PTPRH: variants seen among roughly 807,000 people sequenced by gnomAD.
PTPRH encodes protein tyrosine phosphatase receptor type H, also known as receptor-type tyrosine-protein phosphatase H.
Under a neutral mutation model 130.2 loss-of-function variants are expected in PTPRH, and 113 were observed. The observed-to-expected ratio is 0.87, with a 90% CI of 0.75 to 1.01. PTPRH has a LOEUF of 1.01. Ranked by LOEUF, PTPRH falls within the 50% of genes least tolerant of loss-of-function variation. The probability of loss-of-function intolerance (pLI) is 0.00; values close to 1 mark genes in which losing one functional copy is unlikely to be tolerated. For synonymous variants in PTPRH, 556 were observed against 577.9 expected (o/e 0.96, Z 0.54); for missense variants, 1,430 against 1,425.0 (o/e 1.00, Z -0.06).
At chr19:55,194,264 C>T in intron 10 of PTPRH, 1 of 1,289,684 alleles carries the variant, frequency 7.8e-7, no homozygotes, top group Non-Finnish European at 1.0e-6. Context: ...CTTCATCAGC[C>T]TTGAAGGCCC....
chr19:55,191,460 A>C (rs1329978455), intron 12 of PTPRH, 41 bp downstream of exon 12: 1 of 1,609,584 alleles, frequency 6.2e-7, no homozygotes, highest in Non-Finnish European at 8.5e-7. Flanking sequence ...CCTTGATTTG[A>C]CCAGATTCTT....
At position 55,203,967 on chromosome 19, in the gene PTPRH, G is replaced by T. The variant is rs758604208; in HGVS notation, c.701C>A (p.Thr234Lys). The change falls in exon 5 of 20, where the codon ACA becomes AAA. Residue 234 changes from threonine (T) to lysine (K), a missense_variant. By Grantham distance (78) the Thr-to-Lys change is moderately conservative. Transcript: ENST00000376350. ...ISLSWEVPDG[T>K]DPQNSTYCVQ... is the part of the protein sequence containing the mutation. ...GCAGTAGGTCGAGTTCTGTGGGTCT[G>T]TGCCATCGGGGACCTCCCAGCTCAG... 1 of 1,614,224 alleles carries T rather than the reference G, an allele frequency of 6.2e-7. No homozygotes were observed. Among genetic ancestry groups the T allele is most frequent in the Admixed American group, 1.7e-5 (1 of 60,022 alleles).
chr19:55,194,951 G>T (rs2086641193), intron 10 of PTPRH, among the ~76,000 whole-genome samples: 1 of 152,158 alleles, frequency 6.6e-6, no homozygotes, highest in Non-Finnish European at 1.5e-5. Context: ...ACTTTGGGAG[G>T]AGGAGCCAGG....
At chr19:55,203,566 C>T (rs1441132817) in intron 5 of PTPRH, among the ~76,000 whole-genome samples, 1 of 151,672 alleles carries the variant, frequency 6.6e-6, no homozygotes, top group East Asian at 2.0e-4. Context: ...CGGGAACACG[C>T]CACCACAGCT....
chr19:55,187,664 A>AC lies in PTPRH; in HGVS notation c.2476-62dup, dbSNP rs935180329. 9 of 1,272,792 alleles carry AC rather than the reference A, an allele frequency of 7.1e-6. No homozygotes were observed. The African/African-American group carries it at 1.2e-4, about 17-fold the overall frequency. The allele number at this position is 1,272,792 out of a possible 1,614,324, so 78.8% of individuals were successfully genotyped here. A position where few individuals can be genotyped will look rare whatever the true frequency, so the allele number is the denominator to read the frequency against. The stretch of plus-strand genomic sequence containing the variant: ...ATTTTCTCTACTTTCCCTCGGGGGT[A>AC]CCCCCGAGCTCCCCTTGCCTTCTTC... On this transcript the variant is annotated intron_variant, in intron 13 of 19. Transcript: ENST00000376350.
intron 14 of PTPRH, 131 bp downstream of exon 14, chr19:55,187,381 AG>A: frequency 4.6e-6 from 2 of 438,396 alleles, no homozygotes; most frequent in Non-Finnish European, 7.9e-6. Context: ...AAAAAAAAAA[AG>A]GAAGAAAAAA....
At position 55,209,234 on chromosome 19, in the gene PTPRH, C is replaced by T. The variant is rs1397727801; in HGVS notation, c.51+149G>A. ...AGAGCCCAGGTGTAAGACTCTCCTA[C>T]AGTCTCTGCCAAGCCTGAAGCCCTC... On this transcript the variant is annotated intron_variant, in intron 1 of 19. Transcript: ENST00000376350. The surrounding 1 kb of genome is among the most constrained non-coding windows in gnomAD (Gnocchi z 4.1). 1.4e-5 allele frequency: 10 copies of T among 723,928 alleles called. No individual in the cohort carries two copies. Among genetic ancestry groups the T allele is most frequent in the Non-Finnish European group, 2.2e-5 (9 of 410,198 alleles). The allele number at this position is 723,928 out of a possible 1,614,324, so 44.8% of individuals were successfully genotyped here.
rs1568915388 is a variant in PTPRH at position 55,198,876 on chromosome 19, CA to C, written c.1456del (p.Trp486GlyfsTer32). ...NAVTSLSKQDWTNSTIALRWT... is the reference protein window; with the variant it reads ...NAVTSLSKQDXTNSTIALRWT... Reference sequence around the variant, plus strand: ...GCGCAAAGCAATGGTGCTGTTGGTCCAGTCCTGCTTGCTGAGGCTTGTCACT... The same window carrying C: ...GCGCAAAGCAATGGTGCTGTTGGTCCGTCCTGCTTGCTGAGGCTTGTCACT... On this transcript the variant is annotated frameshift_variant, in exon 8 of 20. Transcript: ENST00000376350. LOFTEE classifies it high-confidence loss of function. The C allele has an allele frequency of 1.3e-6, 2 of 1,542,074 alleles. No individual in the cohort carries two copies. Among genetic ancestry groups the C allele is most frequent in the East Asian group, 4.6e-5 (2 of 43,660 alleles).
intron 10 of PTPRH, among the ~76,000 whole-genome samples, chr19:55,195,096 G>A (rs774117556): frequency 1.2e-4 from 18 of 151,944 alleles, no homozygotes; most frequent in Non-Finnish European, 2.1e-4. Context: ...AGGCCGAGGC[G>A]GGTGGATCAC....
At chr19:55,195,091 G>A (rs868205995) in intron 10 of PTPRH, among the ~76,000 whole-genome samples, 20 of 152,136 alleles carry the variant, frequency 1.3e-4, no homozygotes, top group African/African-American at 4.6e-4. Context: ...TCAGGAGGCC[G>A]AGGCGGGTGG....
intron 12 of PTPRH, among the ~76,000 whole-genome samples, chr19:55,188,396 C>T (rs2086429750): frequency 6.6e-6 from 1 of 152,090 alleles, no homozygotes; most frequent in South Asian, 2.1e-4. Flanking sequence ...GCCTGTAGTC[C>T]CAACTACTCG....
chr19:55,187,348 A>AT (rs1432219798), intron 14 of PTPRH, among the ~76,000 whole-genome samples, 165 bp downstream of exon 14: 1 of 132,166 alleles, frequency 7.6e-6, no homozygotes, highest in African/African-American at 3.3e-5. Context: ...CCGTCTCAAA[A>AT]AAAAAAAAAA....
chr19:55,200,047 G>C (rs1469794374), intron 7 of PTPRH, among the ~76,000 whole-genome samples, 189 bp downstream of exon 7: 1 of 152,222 alleles, frequency 6.6e-6, no homozygotes, highest in Non-Finnish European at 1.5e-5. Context: ...GAGAAGTCTG[G>C]ATGGGCTCTC....
In PTPRH at chr19:55,187,670, G is replaced by A. The variant is rs1055574347; in HGVS notation, c.2476-67C>T. On this transcript the variant is annotated intron_variant, in intron 13 of 19. Coordinates refer to ENST00000376350, the MANE Select transcript of PTPRH (RefSeq NM_002842.5). ...TCTACTTTCCCTCGGGGGTACCCCC[G>A]AGCTCCCCTTGCCTTCTTCGGCATC... is the stretch of plus-strand genomic sequence containing the variant. 221 of 1,214,070 alleles carry A rather than the reference G, an allele frequency of 1.8e-4. 1 individual carries two copies. The highest frequency in any genetic ancestry group is 2.0e-4 in the Non-Finnish European group (166 of 817,888). 75.2% of individuals were successfully genotyped at this position (1,214,070 alleles called of 1,614,324 possible). A position where few individuals can be genotyped will look rare whatever the true frequency, so the allele number is the denominator to read the frequency against.
intron 10 of PTPRH, chr19:55,192,060 G>T (rs1266458974): frequency 2.6e-5 from 12 of 469,898 alleles, no homozygotes; most frequent in Non-Finnish European, 5.0e-5. Flanking sequence ...TCTTCCTTAG[G>T]ATATTCTTAG....
chr19:55,202,592 T>TACACACACAC (rs146718002), intron 5 of PTPRH, among the ~76,000 whole-genome samples: 1 of 149,880 alleles, frequency 6.7e-6, no homozygotes, highest in African/African-American at 2.5e-5. Context: ...ATTGATCCTA[T>TACACACACAC]ACACACACAC....
At chr19:55,200,096 C>T in intron 7 of PTPRH, 140 bp downstream of exon 7, 3 of 997,990 alleles carry the variant, frequency 3.0e-6, no homozygotes, top group Non-Finnish European at 4.4e-6. Context: ...GCTGTGATTA[C>T]ATCTGTCCTG....
At chr19:55,203,656 T>C in intron 5 of PTPRH, 126 bp downstream of exon 5, 6 of 1,148,316 alleles carry the variant, frequency 5.2e-6, no homozygotes, top group Non-Finnish European at 7.1e-6. Flanking sequence ...AAATTGAAAT[T>C]CTCACCTGTG....
intron 10 of PTPRH, among the ~76,000 whole-genome samples, chr19:55,195,554 G>C: frequency 6.6e-6 from 1 of 152,034 alleles, no homozygotes; most frequent in Non-Finnish European, 1.5e-5. Flanking sequence ...CAGTCACAAA[G>C]AAACACATAA....
Sources: allele counts gnomAD v4.1 joint callset (sites outside exome capture counted in the v4.1 genomes callset), GRCh38; gene constraint gnomAD v4.1.1; non-coding constraint Gnocchi (gnomAD v3.1); transcripts MANE v1.5; gene names NCBI Gene and HGNC (gene_info 2026-07-23, HGNC 2026-07-21).